PBX3: variants seen among roughly 807,000 people sequenced by gnomAD.
PBX3 encodes the protein PBX homeobox 3.
In PBX3, 14 loss-of-function variants were observed where a neutral mutation model predicts 48.5. The observed-to-expected ratio is 0.29, with a 90% confidence interval of 0.19 to 0.45. PBX3 has a LOEUF of 0.45. PBX3 is among the 20% of genes least tolerant of loss of function. The pLI, the probability that PBX3 is intolerant of heterozygous loss-of-function variation, is 1.00. For missense variants in PBX3, 386 were observed against 546.7 expected (o/e 0.71, Z 2.93); for synonymous variants, 210 against 200.3 (o/e 1.05, Z -0.41).
chr9:125,781,089 AGAGACGC>A (rs1837293100), intron 2 of PBX3, among the ~76,000 whole-genome samples: 1 of 148,670 alleles, frequency 6.7e-6, no homozygotes, highest in African/African-American at 2.5e-5. Flanking sequence ...GCAGCCAGGC[AGAGACGC>A]TCCTCACTTC....
chr9:125,939,867 G>A (rs368318972), intron 5 of PBX3, among the ~76,000 whole-genome samples: 23 of 152,140 alleles, frequency 1.5e-4, no homozygotes, highest in African/African-American at 5.1e-4. Context: ...ATTGTCAGGG[G>A]AGACATATAT....
At chr9:125,923,343 G>T (rs1841495425) in intron 3 of PBX3, among the ~76,000 whole-genome samples, 1 of 152,116 alleles carries the variant, frequency 6.6e-6, no homozygotes, top group South Asian at 2.1e-4. Flanking sequence ...ATAGATGTAT[G>T]TTACCATAAT....
chr9:125,798,091 T>C (rs181494794), intron 2 of PBX3, among the ~76,000 whole-genome samples: 1 of 152,288 alleles, frequency 6.6e-6, no homozygotes, highest in Admixed American at 6.5e-5. Context: ...TACGTTTCTG[T>C]ATATAAAGCA....
intron 2 of PBX3, among the ~76,000 whole-genome samples, chr9:125,766,492 A>G (rs776084618): frequency 1.2e-4 from 18 of 152,052 alleles, no homozygotes; most frequent in Non-Finnish European, 2.2e-4. Context: ...GATAATAAGC[A>G]CTCTGTTTTC....
chr9:125,793,366 A>AATATATATATATAT (rs1554855765), intron 2 of PBX3, among the ~76,000 whole-genome samples: 84 of 101,928 alleles, frequency 8.2e-4, no homozygotes, highest in South Asian at 1.4e-3. Flanking sequence ...GGAAAAAAAA[A>AATATATATATATAT]ATATATATAT....
intron 2 of PBX3, among the ~76,000 whole-genome samples, chr9:125,885,964 C>G (rs1200427337): frequency 6.6e-6 from 1 of 152,036 alleles, no homozygotes; most frequent in Non-Finnish European, 1.5e-5. Flanking sequence ...TGGGATTTCT[C>G]TGTATTGAAA....
intron 2 of PBX3, among the ~76,000 whole-genome samples, chr9:125,841,283 A>C (rs1210853363): frequency 2.0e-5 from 3 of 152,210 alleles, no homozygotes; most frequent in African/African-American, 7.2e-5. Flanking sequence ...CAGATAATTA[A>C]ATTTATTCTT....
chr9:125,753,326 A>G (rs550169685), intron 2 of PBX3, among the ~76,000 whole-genome samples: 1 of 150,732 alleles, frequency 6.6e-6, no homozygotes, highest in South Asian at 2.1e-4. Flanking sequence ...ATCTTACTGG[A>G]GCTTTTGTAG....
At chr9:125,960,136 T>A (rs999297110) in intron 5 of PBX3, among the ~76,000 whole-genome samples, 1 of 152,258 alleles carries the variant, frequency 6.6e-6, no homozygotes, top group Non-Finnish European at 1.5e-5. Flanking sequence ...ACATGTTAAC[T>A]GGCAGAGCTT....
chr9:125,900,681 T>G (rs1208833097), intron 2 of PBX3, among the ~76,000 whole-genome samples: 1 of 151,732 alleles, frequency 6.6e-6, no homozygotes, highest in African/African-American at 2.4e-5. Flanking sequence ...TTTGTCCTAG[T>G]TGCGTACACT....
intron 2 of PBX3, among the ~76,000 whole-genome samples, chr9:125,852,111 A>G (rs1839600489): frequency 6.6e-6 from 1 of 152,180 alleles, no homozygotes; most frequent in South Asian, 2.1e-4. Context: ...TGGACGCTGT[A>G]ATAAAAATGC....
chr9:125,772,919 A>G (rs1242346458), intron 2 of PBX3, among the ~76,000 whole-genome samples: 1 of 152,198 alleles, frequency 6.6e-6, no homozygotes, highest in Non-Finnish European at 1.5e-5. Flanking sequence ...TCCCCAGAAA[A>G]AAGAGTGATA....
intron 2 of PBX3, among the ~76,000 whole-genome samples, chr9:125,905,064 A>G (rs544386529): frequency 3.3e-5 from 5 of 152,102 alleles, no homozygotes; most frequent in Admixed American, 6.6e-5. Flanking sequence ...TATTTATCTT[A>G]ATGCATGCAT....
chr9:125,773,886 T>C (rs1168217394), intron 2 of PBX3, among the ~76,000 whole-genome samples: 1 of 152,230 alleles, frequency 6.6e-6, no homozygotes, highest in Non-Finnish European at 1.5e-5. Flanking sequence ...AATTAACTAT[T>C]TTAAAGTATA....
chr9:125,832,202 CT>C (rs71376115), intron 2 of PBX3, among the ~76,000 whole-genome samples: 17 of 147,316 alleles, frequency 1.2e-4, no homozygotes, highest in Admixed American at 2.0e-4. Context: ...TCTTTTCTTT[CT>C]TTTTTTTTTT....
At chr9:125,835,965 A>G (rs765047340) in intron 2 of PBX3, among the ~76,000 whole-genome samples, 2 of 152,240 alleles carry the variant, frequency 1.3e-5, no homozygotes, top group Non-Finnish European at 2.9e-5. Context: ...CAGTGGATGA[A>G]TGGATAAAGA....
intron 2 of PBX3, among the ~76,000 whole-genome samples, chr9:125,838,775 A>C (rs1426495660): frequency 6.6e-6 from 1 of 152,260 alleles, no homozygotes; most frequent in Non-Finnish European, 1.5e-5. Flanking sequence ...AACAAAGGCC[A>C]GGAGTCGTGG....
At chr9:125,809,682 A>G (rs1342195008) in intron 2 of PBX3, among the ~76,000 whole-genome samples, 3 of 152,186 alleles carry the variant, frequency 2.0e-5, no homozygotes, top group African/African-American at 7.2e-5. Context: ...TAAAAATCAC[A>G]ATCATAAAGG....
At chr9:125,750,559 CAGAG>C (rs1477375175) in intron 2 of PBX3, among the ~76,000 whole-genome samples, 1 of 152,178 alleles carries the variant, frequency 6.6e-6, no homozygotes, top group East Asian at 1.9e-4. Flanking sequence ...GGATTACTGG[CAGAG>C]AGAGCTTTGG....
Sources: gnomAD v4.1 joint callset for allele counts (sites outside exome capture counted in the v4.1 genomes callset) on GRCh38, gnomAD v4.1.1 for gene constraint, MANE v1.5 for transcripts, NCBI Gene and HGNC (gene_info 2026-07-23, HGNC 2026-07-21) for gene names.